Variants in NKAIN2 observed in about 807,000 individuals in gnomAD.
NKAIN2 encodes the protein sodium/potassium transporting ATPase interacting 2, also known as sodium/potassium-transporting ATPase subunit beta-1-interacting protein 2.
NKAIN2 carries 14 observed loss-of-function variants against 32.6 expected under a neutral mutation model. That is an observed-to-expected ratio of 0.43 (90% CI 0.28 to 0.67). The LOEUF (loss-of-function observed/expected upper bound fraction) is 0.67. Ranked by LOEUF, NKAIN2 falls within the 30% of genes least tolerant of loss-of-function variation. The probability of loss-of-function intolerance (pLI) is 0.17; values close to 1 mark genes in which losing one functional copy is unlikely to be tolerated. For missense variants in NKAIN2, 198 were observed against 258.3 expected (o/e 0.77, Z 1.60); for synonymous variants, 80 against 87.2 (o/e 0.92, Z 0.46).
intron 1 of NKAIN2, among the ~76,000 whole-genome samples, chr6:123,933,459 C>T (rs1295113368): frequency 6.6e-6 from 1 of 152,144 alleles, no homozygotes; most frequent in Non-Finnish European, 1.5e-5. Context: ...AAAACTATCT[C>T]AACTGATTTA....
At chr6:124,612,152 A>T (rs1174565509) in intron 3 of NKAIN2, among the ~76,000 whole-genome samples, 1 of 151,914 alleles carries the variant, frequency 6.6e-6, no homozygotes, top group Admixed American at 6.6e-5. Context: ...ATTATATAAT[A>T]TATGCTGAGT....
chr6:123,997,923 A>G (rs1779699928), intron 1 of NKAIN2, among the ~76,000 whole-genome samples: 1 of 151,986 alleles, frequency 6.6e-6, no homozygotes, highest in South Asian at 2.1e-4. Context: ...TTATTTGTTA[A>G]AAGAATGTTT....
intron 3 of NKAIN2, among the ~76,000 whole-genome samples, chr6:124,639,059 T>C (rs1209701847): frequency 6.6e-6 from 1 of 151,958 alleles, no homozygotes; most frequent in African/African-American, 2.4e-5. Context: ...TTAGAATGAC[T>C]ATTATCAAAA....
chr6:123,883,679 TA>T (rs368253353), intron 1 of NKAIN2, among the ~76,000 whole-genome samples: 31,237 of 143,416 alleles, frequency 0.22, 3,490 homozygotes, highest in African/African-American at 0.28. Flanking sequence ...AAAACCTCTT[TA>T]AAAAAAAAAA....
At chr6:124,715,683 C>T (rs1190101646) in intron 4 of NKAIN2, among the ~76,000 whole-genome samples, 3 of 152,182 alleles carry the variant, frequency 2.0e-5, no homozygotes, top group African/African-American at 7.2e-5. Context: ...TGGACCATCC[C>T]ATAAATTCCT....
At chr6:123,958,945 G>C (rs1777720793) in intron 1 of NKAIN2, among the ~76,000 whole-genome samples, 1 of 152,168 alleles carries the variant, frequency 6.6e-6, no homozygotes, top group African/African-American at 2.4e-5. Flanking sequence ...GCAATTATAG[G>C]CCATTGGTAG....
intron 1 of NKAIN2, among the ~76,000 whole-genome samples, chr6:123,806,627 T>C (rs906664139): frequency 6.6e-6 from 1 of 152,102 alleles, no homozygotes; most frequent in Non-Finnish European, 1.5e-5. Flanking sequence ...TAGATTGTTT[T>C]ACAAATAAAC....
intron 1 of NKAIN2, among the ~76,000 whole-genome samples, chr6:124,066,241 A>G (rs2114868022): frequency 6.6e-6 from 1 of 152,262 alleles, no homozygotes; most frequent in African/African-American, 2.4e-5. Context: ...CTCCCTTTTT[A>G]GAATTTTTCT....
intron 1 of NKAIN2, among the ~76,000 whole-genome samples, chr6:124,176,169 C>G (rs1158042489): frequency 6.6e-6 from 1 of 152,092 alleles, no homozygotes; most frequent in Non-Finnish European, 1.5e-5. Flanking sequence ...AAAGTGCATA[C>G]TTTAAAATAC....
At chr6:124,328,170 C>A (rs1797496454) in intron 2 of NKAIN2, among the ~76,000 whole-genome samples, 1 of 152,118 alleles carries the variant, frequency 6.6e-6, no homozygotes, top group Non-Finnish European at 1.5e-5. Flanking sequence ...CCTGGATGTA[C>A]TATACTGCAG....
chr6:123,807,653 C>T (rs972445137), intron 1 of NKAIN2, among the ~76,000 whole-genome samples: 3 of 152,016 alleles, frequency 2.0e-5, no homozygotes, highest in Non-Finnish European at 2.9e-5. Context: ...TGAAAAAATA[C>T]GTTAAAATAT....
intron 5 of NKAIN2, among the ~76,000 whole-genome samples, chr6:124,810,816 C>T (rs1411573819): frequency 6.6e-6 from 1 of 151,718 alleles, no homozygotes; most frequent in Non-Finnish European, 1.5e-5. Context: ...ATGTATGCTT[C>T]GCCTGCTCAA....
intron 3 of NKAIN2, among the ~76,000 whole-genome samples, chr6:124,637,238 C>T (rs1477219369): frequency 2.6e-5 from 4 of 152,006 alleles, no homozygotes; most frequent in Non-Finnish European, 4.4e-5. Context: ...AAGAAACATA[C>T]CTTGACAGAA....
At chr6:124,703,323 G>A (rs1774894784) in intron 4 of NKAIN2, among the ~76,000 whole-genome samples, 1 of 151,852 alleles carries the variant, frequency 6.6e-6, no homozygotes. Flanking sequence ...TTTTCTTCCA[G>A]ACCTTAGAGA....
intron 1 of NKAIN2, among the ~76,000 whole-genome samples, chr6:124,046,307 G>C (rs898926607): frequency 6.6e-6 from 1 of 151,916 alleles, no homozygotes; most frequent in Non-Finnish European, 1.5e-5. Flanking sequence ...GTCCTTGGGG[G>C]AAATGATACA....
intron 3 of NKAIN2, among the ~76,000 whole-genome samples, chr6:124,456,562 A>G (rs1010220448): frequency 1.3e-5 from 2 of 151,986 alleles, no homozygotes; most frequent in Non-Finnish European, 2.9e-5. Flanking sequence ...GTTTCACTTC[A>G]GAATTCACAG....
chr6:124,371,404 TG>T (rs576059817), intron 3 of NKAIN2, among the ~76,000 whole-genome samples: 187 of 152,030 alleles, frequency 1.2e-3, no homozygotes, highest in Non-Finnish European at 8.7e-4. Flanking sequence ...TTTTTAACAG[TG>T]TAAGTTGGTC....
At chr6:124,632,828 T>A (rs2114315965) in intron 3 of NKAIN2, among the ~76,000 whole-genome samples, 1 of 152,332 alleles carries the variant, frequency 6.6e-6, no homozygotes, top group East Asian at 1.9e-4. Context: ...CTTTAAAAAA[T>A]TCTCTTGTAA....
At chr6:123,976,073 C>A (rs1202755932) in intron 1 of NKAIN2, among the ~76,000 whole-genome samples, 1 of 151,310 alleles carries the variant, frequency 6.6e-6, no homozygotes, top group Non-Finnish European at 1.5e-5. Flanking sequence ...TGTCTGCCAC[C>A]ATGTCCCACG....
Sources: gnomAD v4.1 joint callset for allele counts (sites outside exome capture counted in the v4.1 genomes callset) on GRCh38, gnomAD v4.1.1 for gene constraint, MANE v1.5 for transcripts, NCBI Gene and HGNC (gene_info 2026-07-23, HGNC 2026-07-21) for gene names.